The following KCNT2 variants were observed in gnomAD, a reference collection of about 807,000 sequenced individuals.
The protein encoded by KCNT2 is potassium channel subfamily T member 2.
Under a neutral mutation model 153.8 loss-of-function variants are expected in KCNT2, and 67 were observed. That is an observed-to-expected ratio of 0.44 (90% CI 0.36 to 0.53). The LOEUF (loss-of-function observed/expected upper bound fraction) is 0.53. Ranked by LOEUF, KCNT2 falls within the 20% of genes least tolerant of loss-of-function variation. KCNT2 has a pLI of 0.00. For missense variants in KCNT2, 975 were observed against 1,354.8 expected, an observed-to-expected ratio of 0.72 and a Z score of 4.40; for synonymous variants, 500 against 458.8, an observed-to-expected ratio of 1.09 and a Z score of -1.15.
At position 196,608,369 on chromosome 1, in the gene KCNT2, G is replaced by A; in HGVS notation, c.-60C>T. ...ATGGAGGAGAGGAGGGAGAAAGAAA[G>A]AAAATATTGCGGAGTACAGGGAGAG... On this transcript the variant is annotated 5_prime_UTR_variant, in exon 1 of 28. Transcript: ENST00000294725. The A allele has an allele frequency of 7.4e-7, 1 of 1,356,638 alleles. No individual in the cohort carries two copies. Among genetic ancestry groups the A allele is most frequent in the Non-Finnish European group, 1.1e-6 (1 of 949,610 alleles). The allele number at this position is 1,356,638 out of a possible 1,614,324, so 84.0% of individuals were successfully genotyped here. A position where few individuals can be genotyped will look rare whatever the true frequency, so the allele number is the denominator to read the frequency against.
chr1:196,392,964 C>A (rs1670612532), intron 13 of KCNT2, among the ~76,000 whole-genome samples: 1 of 151,300 alleles, frequency 6.6e-6, no homozygotes, highest in African/African-American at 2.4e-5. Flanking sequence ...ATGTTGCATT[C>A]TTCTAGGCAG....
intron 23 of KCNT2, among the ~76,000 whole-genome samples, chr1:196,283,190 T>TCCCAGCACTCTGGGAGG (rs1659284125): frequency 6.6e-6 from 1 of 152,178 alleles, no homozygotes; most frequent in Non-Finnish European, 1.5e-5. Flanking sequence ...ATGCCTGTAA[T>TCCCAGCACTCTGGGAGG]CCCAGCACTC....
At chr1:196,292,324 C>T (rs1558109453) in intron 22 of KCNT2, among the ~76,000 whole-genome samples, 1 of 152,154 alleles carries the variant, frequency 6.6e-6, no homozygotes, top group Non-Finnish European at 1.5e-5. Context: ...TGTACCTCAA[C>T]ATAATATACG....
intron 25 of KCNT2, among the ~76,000 whole-genome samples, chr1:196,277,746 GT>G (rs1179397270): frequency 6.6e-6 from 1 of 151,994 alleles, no homozygotes; most frequent in Non-Finnish European, 1.5e-5. Context: ...TCAAAACTTT[GT>G]TTTTGAATCA....
intron 1 of KCNT2, among the ~76,000 whole-genome samples, chr1:196,509,452 C>A (rs373452827): frequency 4.6e-5 from 7 of 151,968 alleles, no homozygotes; most frequent in African/African-American, 1.5e-4. Flanking sequence ...AGTTACCTAA[C>A]GTTGAATAAA....
intron 27 of KCNT2, among the ~76,000 whole-genome samples, chr1:196,230,547 C>T (rs1036655057): frequency 6.6e-6 from 1 of 151,868 alleles, no homozygotes; most frequent in African/African-American, 2.4e-5. Flanking sequence ...GTTCATGATT[C>T]GTGGGATGAG....
intron 1 of KCNT2, among the ~76,000 whole-genome samples, chr1:196,509,034 T>A (rs564964456): frequency 3.3e-5 from 5 of 152,200 alleles, no homozygotes; most frequent in Admixed American, 6.5e-5. Context: ...TTTAAGAGGT[T>A]GAGGCGGGCA....
At chr1:196,462,843 A>T (rs1677271238) in intron 8 of KCNT2, among the ~76,000 whole-genome samples, 1 of 151,764 alleles carries the variant, frequency 6.6e-6, no homozygotes, top group African/African-American at 2.4e-5. Context: ...TCCAGTCTCC[A>T]GTTGTTTTTT....
chr1:196,365,247 T>G (rs1667941005), intron 14 of KCNT2, among the ~76,000 whole-genome samples: 3 of 152,156 alleles, frequency 2.0e-5, no homozygotes, highest in Admixed American at 6.5e-5. Context: ...GTCTTCTGAT[T>G]AATTTTCAAA....
At chr1:196,458,838 A>G (rs1318551135) in intron 8 of KCNT2, among the ~76,000 whole-genome samples, 3 of 151,908 alleles carry the variant, frequency 2.0e-5, no homozygotes, top group East Asian at 1.9e-4. Context: ...TATACTCCCT[A>G]TGAATCTCAT....
intron 18 of KCNT2, among the ~76,000 whole-genome samples, chr1:196,329,839 TTATGTACATA>T (rs1664266189): frequency 6.9e-6 from 1 of 144,640 alleles, no homozygotes; most frequent in South Asian, 2.1e-4. Flanking sequence ...ATATATGTAT[TTATGTACATA>T]TATGTATATA....
chr1:196,430,725 T>A (rs1362508507), intron 8 of KCNT2, among the ~76,000 whole-genome samples: 1 of 152,016 alleles, frequency 6.6e-6, no homozygotes, highest in East Asian at 1.9e-4. Flanking sequence ...GCGTAAAAGT[T>A]GTTAGATGTC....
At chr1:196,379,300 G>A (rs1669255345) in intron 13 of KCNT2, among the ~76,000 whole-genome samples, 1 of 152,056 alleles carries the variant, frequency 6.6e-6, no homozygotes, top group African/African-American at 2.4e-5. Flanking sequence ...GCAGGGTGTG[G>A]TGGTTCATGC....
intron 25 of KCNT2, among the ~76,000 whole-genome samples, chr1:196,262,177 T>A (rs1657089471): frequency 6.6e-6 from 1 of 151,936 alleles, no homozygotes; most frequent in African/African-American, 2.4e-5. Flanking sequence ...ACTAAATACA[T>A]CACTCTTTTC....
At chr1:196,522,084 A>T (rs1237266017) in intron 1 of KCNT2, among the ~76,000 whole-genome samples, 1 of 152,248 alleles carries the variant, frequency 6.6e-6, no homozygotes, top group African/African-American at 2.4e-5. Context: ...AGAATATAAT[A>T]ATCACTGTAA....
At chr1:196,253,893 T>C (rs1363620636) in intron 26 of KCNT2, among the ~76,000 whole-genome samples, 1 of 151,618 alleles carries the variant, frequency 6.6e-6, no homozygotes, top group Non-Finnish European at 1.5e-5. Flanking sequence ...TCTTTTTTCC[T>C]ACACATGTGC....
chr1:196,315,852 C>A, intron 21 of KCNT2, 40 bp downstream of exon 21: 1 of 1,560,754 alleles, frequency 6.4e-7, no homozygotes. Flanking sequence ...CAATGTTTAG[C>A]ACAAAGTAAG....
intron 26 of KCNT2, among the ~76,000 whole-genome samples, chr1:196,246,661 CT>C (rs1174742402): frequency 3.9e-5 from 6 of 152,090 alleles, no homozygotes; most frequent in Admixed American, 3.9e-4. Flanking sequence ...TTACTTTTCT[CT>C]TTACTTGTTT....
chr1:196,585,613 T>C (rs113064989), intron 1 of KCNT2, among the ~76,000 whole-genome samples: 8,753 of 151,934 alleles, frequency 0.058, 396 homozygotes, highest in Non-Finnish European at 0.085. Context: ...AAAAAAACAT[T>C]ATAGAGATCA....
Sources: gnomAD v4.1 joint callset for allele counts (sites outside exome capture counted in the v4.1 genomes callset) on GRCh38, gnomAD v4.1.1 for gene constraint, MANE v1.5 for transcripts, NCBI Gene and HGNC (gene_info 2026-07-23, HGNC 2026-07-21) for gene names.